Variants in OGA observed in about 807,000 individuals in gnomAD.
OGA encodes the protein O-GlcNAcase.
OGA carries 21 observed loss-of-function variants against 102.0 expected under a neutral mutation model. The ratio of observed to expected loss-of-function variants is 0.21; its 90% confidence interval spans 0.15 to 0.30. The LOEUF (loss-of-function observed/expected upper bound fraction) is 0.30. Among genes scored for constraint, OGA ranks in the 10% least tolerant of loss-of-function variants. The probability of loss-of-function intolerance (pLI) is 1.00; values close to 1 mark genes in which losing one functional copy is unlikely to be tolerated. For missense variants in OGA, 765 were observed against 1,107.8 expected (o/e 0.69, Z 4.39); for synonymous variants, 408 against 378.2 (o/e 1.08, Z -0.91).
chr10:101,807,910 A>C lies in OGA; in HGVS notation c.481-9T>G. ...CACCCAAACTGAGAAACCTAGGAGA[A>C]AAAAAAAAAAAAGAATCAAGAGTAA... On this transcript the variant is annotated splice_polypyrimidine_tract_variant and intron_variant, in intron 4 of 15. Transcript: ENST00000361464. 1 of 962,066 alleles carries C rather than the reference A, an allele frequency of 1.0e-6. No individual in the cohort carries two copies. The highest frequency in any genetic ancestry group is 2.3e-5 in the South Asian group (1 of 43,220). The allele number at this position is 962,066 out of a possible 1,614,324, so 59.6% of individuals were successfully genotyped here. A position where few individuals can be genotyped will look rare whatever the true frequency, so the allele number is the denominator to read the frequency against.
chr10:101,797,337 T>G (rs760376413), intron 10 of OGA: 11 of 150,184 alleles, frequency 7.3e-5, no homozygotes, highest in African/African-American at 1.2e-4. Flanking sequence ...GTTTGACAAT[T>G]TAAAAAAAAA....
intron 13 of OGA, 98 bp from the exon 14 acceptor site, chr10:101,791,186 GGAACCTACA>G (rs2065255824): frequency 7.5e-7 from 1 of 1,332,776 alleles, no homozygotes; most frequent in African/African-American, 1.5e-5. Flanking sequence ...ATGAACTTAC[GGAACCTACA>G]TTTGGTGTAA....
At chr10:101,811,406 GAAAA>G (rs67433227) in intron 3 of OGA, among the ~76,000 whole-genome samples, 707 of 45,692 alleles carry the variant, frequency 0.015, 10 homozygotes, top group African/African-American at 0.057. Context: ...GAAAAAAAAT[GAAAA>G]AAAAAAAAAA....
chr10:101,802,045 T>C (rs1480222482), intron 7 of OGA, among the ~76,000 whole-genome samples: 1 of 152,096 alleles, frequency 6.6e-6, no homozygotes, highest in African/African-American at 2.4e-5. Flanking sequence ...CTCAGGAGGC[T>C]GAGGCCAGAG....
At position 101,807,501 on chromosome 10, in the gene OGA, A is replaced by G. The variant is rs569138823; in HGVS notation, c.652+229T>C. Among the ~76,000 whole-genome samples, 104 of 152,364 alleles carry G rather than the reference A, an allele frequency of 6.8e-4. 1 individual carries two copies. The highest frequency in any genetic ancestry group is 1.4e-3 in the Non-Finnish European group (97 of 68,040). On this transcript the variant is annotated intron_variant, in intron 5 of 15. Coordinates refer to ENST00000361464, the MANE Select transcript of OGA (RefSeq NM_012215.5). Reference sequence around the variant, plus strand: ...TTAATATTGACAATGTAATGTTCATATACTTCCAGTACTTAAAAATACATA... The same window carrying G: ...TTAATATTGACAATGTAATGTTCATGTACTTCCAGTACTTAAAAATACATA...
chr10:101,817,882 TC>T lies in OGA; in HGVS notation c.140del (p.Gly47GlufsTer44). ...PGEDNPAGAG[G>X]AAVAGAAGGA... ...CTCCTGCAGCCCCGGCCACCGCCGCTCCCCCAGCCCCGGCGGGGTTGTCTTC... is the reference window on the plus strand; with the variant it reads ...CTCCTGCAGCCCCGGCCACCGCCGCTCCCCAGCCCCGGCGGGGTTGTCTTC... On this transcript the variant is annotated frameshift_variant, in exon 1 of 16. Transcript: ENST00000361464. LOFTEE classifies it high-confidence loss of function. 1.3e-6 allele frequency: 2 copies of T among 1,555,090 alleles called. No homozygotes were observed. Among genetic ancestry groups the T allele is most frequent in the Non-Finnish European group, 8.7e-7 (1 of 1,153,214 alleles).
intron 7 of OGA, among the ~76,000 whole-genome samples, chr10:101,803,103 T>C (rs561557142): frequency 6.1e-5 from 9 of 147,686 alleles, no homozygotes; most frequent in Non-Finnish European, 8.9e-5. Flanking sequence ...ATTGCGCCAC[T>C]GCACTCCAGC....
chr10:101,818,024 C>T lies in OGA; in HGVS notation c.-2G>A, dbSNP rs1325291536. ...CGCTTGACTCTCCTTCTGCACCATC[C>T]TCCTGCCCCCGGCCGCTGCCACCTC... is the stretch of plus-strand genomic sequence containing the variant. On this transcript the variant is annotated 5_prime_UTR_variant, in exon 1 of 16. Coordinates refer to ENST00000361464, the MANE Select transcript of OGA (RefSeq NM_012215.5). 1.9e-6 allele frequency: 3 copies of T among 1,574,590 alleles called. No individual in the cohort carries two copies. The highest frequency in any genetic ancestry group is 2.3e-5 in the East Asian group (1 of 43,320).
rs764632409 is a variant in OGA at position 101,799,224 on chromosome 10, T to A, written c.1427A>T (p.Asp476Val). The change falls in exon 9 of 16, where the codon GAC becomes GTC. Residue 476 changes from aspartate to valine, a missense_variant. Transcript: ENST00000361464. ...CAGTATTTGATTGTCATTCTTGTGG[T>A]CCGTTTCTTCTTGTTTTTCCACCAC... Reference protein sequence around the residue: ...DMVVEKQEETDHKNDNQILSE... With the variant: ...DMVVEKQEETVHKNDNQILSE... 2.2e-5 allele frequency: 36 copies of A among 1,614,218 alleles called. No individual in the cohort carries two copies. The highest frequency in any genetic ancestry group is 3.0e-5 in the Non-Finnish European group (35 of 1,180,038).
chr10:101,811,640 T>C (rs981529006), intron 3 of OGA, among the ~76,000 whole-genome samples: 2 of 151,682 alleles, frequency 1.3e-5, no homozygotes, highest in African/African-American at 4.8e-5. Flanking sequence ...GAGATCAAAA[T>C]TGCAGTGAGT....
intron 12 of OGA, among the ~76,000 whole-genome samples, chr10:101,791,782 T>C (rs967225527): frequency 2.0e-5 from 3 of 151,976 alleles, no homozygotes; most frequent in African/African-American, 7.2e-5. Context: ...TTCTCCTGCC[T>C]CAGCCTCCCA....
rs915373205 is a variant in OGA, at chr10:101,785,885, G to C, written c.*566C>G. 7 of 152,200 alleles carry C rather than the reference G, an allele frequency of 4.6e-5. No homozygotes were observed. The highest frequency in any genetic ancestry group is 1.7e-4 in the African/African-American group (7 of 41,438). 9.4% of individuals were successfully genotyped at this position (152,200 alleles called of 1,614,324 possible). ...ATGCCTGAACCAACAGTCATTACAG[G>C]AGACAATTGGCCACGGCTTTACAAA... is the stretch of plus-strand genomic sequence containing the variant. On this transcript the variant is annotated 3_prime_UTR_variant, in exon 16 of 16. Transcript: ENST00000361464.
Position 101,797,961 on chromosome 10 carries a change from T to A in OGA, c.1984+19A>T. On this transcript the variant is annotated intron_variant, in intron 10 of 15. Transcript: ENST00000361464. ...GGACAATATATTTGAGGAGAAGAGA[T>A]TATTCCTGGTGCACCTACCTAACCA... 6.2e-7 allele frequency: 1 copy of A among 1,603,628 alleles called. No homozygotes were observed. Among genetic ancestry groups the A allele is most frequent in the African/African-American group, 1.3e-5 (1 of 74,754 alleles).
intron 1 of OGA, among the ~76,000 whole-genome samples, chr10:101,815,461 T>C (rs1453955106): frequency 6.6e-6 from 1 of 152,074 alleles, no homozygotes; most frequent in African/African-American, 2.4e-5. Flanking sequence ...ATTTTTTCTA[T>C]TTTTAGTAGA....
At chr10:101,804,132 C>T in intron 6 of OGA, 113 bp from the exon 7 acceptor site, 1 of 920,844 alleles carries the variant, frequency 1.1e-6, no homozygotes, top group Non-Finnish European at 1.6e-6. Context: ...ATCATTTGAG[C>T]CCAGGAGTTC....
At position 101,800,372 on chromosome 10, in the gene OGA, G is replaced by A. The variant is rs774027994; in HGVS notation, c.1065C>T (p.Ile355=). Residue 355 remains isoleucine (I), a synonymous_variant, in exon 8 of 16, where the codon ATC becomes ATT. Transcript: ENST00000361464. ...TGCCTTCATTTTCTAATTTTATCTG[G>A]ATGGACACAGTACTATCTTCACTGT... The part of the protein sequence containing the change: ...MTDSEDSTVS[I]QIKLENEGSD... 4 of 1,613,008 alleles carry A rather than the reference G, an allele frequency of 2.5e-6. No individual in the cohort carries two copies. The highest frequency in any genetic ancestry group is 1.7e-5 in the Admixed American group (1 of 59,976).
intron 2 of OGA, among the ~76,000 whole-genome samples, 178 bp downstream of exon 2, chr10:101,813,377 G>C (rs992236529): frequency 6.6e-6 from 1 of 152,110 alleles, no homozygotes; most frequent in African/African-American, 2.4e-5. Flanking sequence ...CAGCTCCCCA[G>C]GAAAAGTTTG....
intron 14 of OGA, among the ~76,000 whole-genome samples, chr10:101,789,688 T>C (rs2065233817): frequency 1.3e-5 from 2 of 151,852 alleles, no homozygotes; most frequent in East Asian, 1.9e-4. Context: ...AAAATGCATA[T>C]ACTGGCCAGG....
intron 4 of OGA, among the ~76,000 whole-genome samples, chr10:101,808,646 T>G (rs772475088): frequency 3.3e-5 from 5 of 152,032 alleles, no homozygotes; most frequent in Non-Finnish European, 7.4e-5. Flanking sequence ...AAATAAGACA[T>G]GTATATAGAA....
Sources: gnomAD v4.1 joint callset for allele counts (sites outside exome capture counted in the v4.1 genomes callset) on GRCh38, gnomAD v4.1.1 for gene constraint, MANE v1.5 for transcripts, NCBI Gene and HGNC (gene_info 2026-07-23, HGNC 2026-07-21) for gene names.